The following MTAP variants were observed in gnomAD, a reference collection of about 807,000 sequenced individuals.
MTAP encodes the protein S-methyl-5'-thioadenosine phosphorylase.
MTAP carries 33 observed loss-of-function variants against 33.6 expected under a neutral mutation model. That is an observed-to-expected ratio of 0.98 (90% CI 0.74 to 1.31). The LOEUF (loss-of-function observed/expected upper bound fraction) is 1.31. Among genes scored for constraint, MTAP ranks in the 40% most tolerant of loss-of-function variants. The pLI, the probability that MTAP is intolerant of heterozygous loss-of-function variation, is 0.00. For missense variants in MTAP, 367 were observed against 360.0 expected (o/e 1.02, Z -0.16); for synonymous variants, 148 against 125.7 (o/e 1.18, Z -1.19).
At chr9:21,903,983 C>A (rs1818433021) in intron 1 of MTAP, among the ~76,000 whole-genome samples, 2 of 152,152 alleles carry the variant, frequency 1.3e-5, no homozygotes, top group Admixed American at 1.3e-4. Context: ...CACACGTGGA[C>A]TTGGAGAATT....
At chr9:21,888,245 G>A (rs920000878) in intron 1 of MTAP, among the ~76,000 whole-genome samples, 2 of 152,138 alleles carry the variant, frequency 1.3e-5, no homozygotes, top group African/African-American at 4.8e-5. Flanking sequence ...TGTGTCATAT[G>A]CTCTATGTTG....
intron 1 of MTAP, among the ~76,000 whole-genome samples, chr9:21,928,130 G>T (rs1391296719): frequency 6.6e-6 from 1 of 152,050 alleles, no homozygotes. Flanking sequence ...ATCCAGCATG[G>T]GTATAAAGAA....
chr9:21,841,903 C>T (rs915714785), intron 5 of MTAP, among the ~76,000 whole-genome samples: 4 of 152,174 alleles, frequency 2.6e-5, no homozygotes, highest in African/African-American at 9.7e-5. Flanking sequence ...CACCAGCTCC[C>T]TAGCAATGGA....
intron 1 of MTAP, chr9:21,893,511 A>G (rs1216649301): frequency 6.6e-6 from 1 of 152,116 alleles, no homozygotes; most frequent in Non-Finnish European, 1.5e-5. Context: ...TGCTTGCTAG[A>G]CTTACAAAAA....
intron 1 of MTAP, among the ~76,000 whole-genome samples, chr9:21,883,686 A>C (rs965717846): frequency 6.6e-5 from 10 of 151,238 alleles, no homozygotes; most frequent in African/African-American, 1.7e-4. Flanking sequence ...GCCACTAGAT[A>C]GCAAAAAAAA....
intron 1 of MTAP, among the ~76,000 whole-genome samples, chr9:21,912,804 T>A (rs1240873554): frequency 6.6e-5 from 10 of 152,084 alleles, no homozygotes; most frequent in Non-Finnish European, 1.5e-4. Flanking sequence ...AGGAGAAAGA[T>A]ATAAAGGGTA....
chr9:21,836,949 G>A (rs1825124237), intron 4 of MTAP, among the ~76,000 whole-genome samples: 1 of 152,164 alleles, frequency 6.6e-6, no homozygotes, highest in Non-Finnish European at 1.5e-5. Flanking sequence ...AGGACATCAT[G>A]TTATCTACCT....
At chr9:21,923,011 G>A (rs996576852) in intron 1 of MTAP, among the ~76,000 whole-genome samples, 4 of 152,106 alleles carry the variant, frequency 2.6e-5, no homozygotes, top group African/African-American at 9.7e-5. Flanking sequence ...GTTCTGAAAC[G>A]GCCTTGTGTG....
intron 5 of MTAP, among the ~76,000 whole-genome samples, chr9:21,847,630 T>C (rs944144661): frequency 6.6e-6 from 1 of 152,208 alleles, no homozygotes; most frequent in Non-Finnish European, 1.5e-5. Context: ...TGACCATATA[T>C]GGAGGACCAG....
At chr9:21,924,400 A>T (rs1413744126) in intron 1 of MTAP, among the ~76,000 whole-genome samples, 1 of 152,236 alleles carries the variant, frequency 6.6e-6, no homozygotes, top group African/African-American at 2.4e-5. Context: ...TACAAGCTCC[A>T]GGAGCAGGAA....
At chr9:21,880,810 A>G (rs1295148573) in intron 1 of MTAP, among the ~76,000 whole-genome samples, 1 of 152,098 alleles carries the variant, frequency 6.6e-6, no homozygotes, top group Non-Finnish European at 1.5e-5. Context: ...AAGACTTAAT[A>G]TTGTTAAGAT....
downstream of MTAP, chr9:21,931,867 G>A (rs1818964476): frequency 6.6e-6 from 1 of 152,060 alleles, no homozygotes; most frequent in Non-Finnish European, 1.5e-5. Context: ...ATGCCCCTTG[G>A]AAGAATTATT....
intron 4 of MTAP, among the ~76,000 whole-genome samples, chr9:21,820,186 C>CT (rs1220147208): frequency 2.0e-5 from 3 of 152,128 alleles, no homozygotes; most frequent in Non-Finnish European, 2.9e-5. Context: ...GTTGCCATTG[C>CT]TTTTGGTGTT....
intron 4 of MTAP, among the ~76,000 whole-genome samples, chr9:21,825,266 C>G (rs534115699): frequency 6.6e-6 from 1 of 152,316 alleles, no homozygotes; most frequent in Admixed American, 6.5e-5. Flanking sequence ...TTTTCTTTAT[C>G]TGTTCATCTG....
downstream of MTAP, among the ~76,000 whole-genome samples, chr9:21,868,527 G>T (rs1825889565): frequency 6.6e-6 from 1 of 152,176 alleles, no homozygotes; most frequent in Admixed American, 6.6e-5. Context: ...TTTTGTAAAG[G>T]CAGGAGTTGT....
At chr9:21,868,302 G>C (rs975050564), downstream of MTAP, among the ~76,000 whole-genome samples, 1 of 152,192 alleles carries the variant, frequency 6.6e-6, no homozygotes, top group Non-Finnish European at 1.5e-5. Context: ...TGTGCTTGGG[G>C]CACTATATCC....
At chr9:21,898,276 A>G (rs1419757399) in intron 1 of MTAP, among the ~76,000 whole-genome samples, 5 of 152,126 alleles carry the variant, frequency 3.3e-5, no homozygotes, top group Non-Finnish European at 7.3e-5. Context: ...AACCATAAAA[A>G]CCCTAGATGA....
At chr9:21,811,894 A>C in intron 1 of MTAP, 1 of 384,984 alleles carries the variant, frequency 2.6e-6, no homozygotes, top group Non-Finnish European at 5.2e-6. Flanking sequence ...GGGAAGTCAC[A>C]CACAGCTGTT....
chr9:21,940,502 T>C (rs1819119751), downstream of MTAP, among the ~76,000 whole-genome samples: 1 of 152,200 alleles, frequency 6.6e-6, no homozygotes, highest in Non-Finnish European at 1.5e-5. Context: ...TGTTATCTAC[T>C]TGTAAACTGA....
Sources: allele counts gnomAD v4.1 joint callset (sites outside exome capture counted in the v4.1 genomes callset), GRCh38; gene constraint gnomAD v4.1.1; transcripts MANE v1.5; gene names NCBI Gene and HGNC (gene_info 2026-07-23, HGNC 2026-07-21).